DDN: variants seen among roughly 807,000 people sequenced by gnomAD.
DDN encodes the protein dendrin.
In DDN, 4 loss-of-function variants were observed where a neutral mutation model predicts 7.3. The observed-to-expected ratio is 0.55, with a 90% confidence interval of 0.27 to 1.25. The LOEUF is 1.25. Ranked by LOEUF, DDN falls within the 50% of genes most tolerant of loss-of-function variation. The pLI is 0.12. For synonymous variants in DDN, 425 were observed against 424.3 expected (o/e 1.00, Z -0.02); for missense variants, 933 against 974.7 (o/e 0.96, Z 0.57).
At position 48,996,915 on chromosome 12, in the gene DDN, C is replaced by T. The variant is rs745463401; in HGVS notation, c.1961G>A (p.Arg654Gln). 4 of 1,608,416 alleles carry T rather than the reference C, an allele frequency of 2.5e-6. No homozygotes were observed. Among genetic ancestry groups the T allele is most frequent in the Non-Finnish European group, 3.4e-6 (4 of 1,177,240 alleles). ...SDTEAPGASW[R>Q]NERTLPEVGN... The stretch of plus-strand genomic sequence containing the variant: ...AACCTCGGGCAGGGTCCTCTCATTC[C>T]GCCAGGAGGCGCCCGGGGCTTCTGT... Residue 654 changes from arginine to glutamine, a missense_variant, in exon 2 of 2, where the codon CGG becomes CAG. Arg to Gln is a conservative substitution (Grantham distance 43). Transcript: ENST00000421952.
rs1941210617 is a variant in DDN, at chr12:48,996,800, C to T, written c.2076G>A (p.Glu692=). The T allele has an allele frequency of 6.2e-7, 1 of 1,614,066 alleles. No homozygotes were observed. The change falls in exon 2 of 2, where the codon GAG becomes GAA. Residue 692 remains glutamate (E), a synonymous_variant. Coordinates refer to ENST00000421952, the MANE Select transcript of DDN (RefSeq NM_015086.2). ...EILDVISQTE[E]VLFGVRDIRG... ...TGATGTCCCTCACCCCGAAGAGGACCTCCTCGGTTTGGCTTATGACATCTA... is the reference window on the plus strand; with the variant it reads ...TGATGTCCCTCACCCCGAAGAGGACTTCCTCGGTTTGGCTTATGACATCTA...
In DDN at chr12:48,998,233, T is replaced by C; in HGVS notation, c.643A>G (p.Thr215Ala). 1 of 1,612,308 alleles carries C rather than the reference T, an allele frequency of 6.2e-7. No homozygotes were observed. The highest frequency in any genetic ancestry group is 8.5e-7 in the Non-Finnish European group (1 of 1,179,686). ...CGGTCCCAGCGGCGTCGTGGGGCGG[T>C]CCCGGCAGAACCTCTCAGCAGCAGG... is the stretch of plus-strand genomic sequence containing the variant. ...AHLLLRGSAG[T>A]APRRRWDRPP... Residue 215 changes from threonine to alanine, a missense_variant, in exon 2 of 2, where the codon ACC becomes GCC. Physicochemically the swap from Thr to Ala is moderately conservative, Grantham distance 58. Coordinates refer to ENST00000421952, the MANE Select transcript of DDN (RefSeq NM_015086.2).
intron 1 of DDN, among the ~76,000 whole-genome samples, 155 bp downstream of exon 1, chr12:48,998,924 A>G (rs368612734): frequency 1.3e-5 from 2 of 152,072 alleles, no homozygotes; most frequent in East Asian, 1.9e-4. Flanking sequence ...CCCCCAAACA[A>G]CGGGATGAGT....
At chr12:48,998,990 G>T in intron 1 of DDN, 89 bp downstream of exon 1, 1 of 1,394,620 alleles carries the variant, frequency 7.2e-7, no homozygotes, top group South Asian at 1.2e-5. Context: ...AGAGAAGGGG[G>T]ACCAGCAGTG....
rs1941212522 is a variant in DDN at position 48,996,893 on chromosome 12, C to T, written c.1983G>A (p.Glu661=). ...CTTCCTCTGGCGAACTGTTTCCAAC[C>T]TCGGGCAGGGTCCTCTCATTCCGCC... The part of the protein sequence containing the change: ...ASWRNERTLP[E]VGNSSPEEDG... Residue 661 remains glutamate, a synonymous_variant, in exon 2 of 2, where the codon GAG becomes GAA. Coordinates refer to ENST00000421952, the MANE Select transcript of DDN (RefSeq NM_015086.2). 5.0e-6 allele frequency: 8 copies of T among 1,613,686 alleles called. No individual in the cohort carries two copies. Among genetic ancestry groups the T allele is most frequent in the African/African-American group, 1.3e-5 (1 of 74,914 alleles).
In DDN at chr12:48,998,117, A is replaced by C. The variant is rs374692621; in HGVS notation, c.759T>G (p.Thr253=). The change falls in exon 2 of 2, where the codon ACT becomes ACG. Residue 253 remains threonine (T), a synonymous_variant. Transcript: ENST00000421952. The part of the protein sequence containing the change: ...KRGPGNSQVP[T]SSAPAATPAR... ...CTGGAGTCGCAGCTGGGGCTGATGA[A>C]GTGGGCACCTGAGAGTTCCCGGGGC... 2 of 1,613,674 alleles carry C rather than the reference A, an allele frequency of 1.2e-6. No homozygotes were observed. Among genetic ancestry groups the C allele is most frequent in the African/African-American group, 2.7e-5 (2 of 74,932 alleles).
chr12:48,996,696 C>A lies in DDN; in HGVS notation c.*44G>T. On this transcript the variant is annotated 3_prime_UTR_variant, in exon 2 of 2. Transcript: ENST00000421952. ...TGGGGAAGAATGGGGACCAGTGGACCCAAGGATGGATGCGTTGGGGACACA... is the reference window on the plus strand; with the variant it reads ...TGGGGAAGAATGGGGACCAGTGGACACAAGGATGGATGCGTTGGGGACACA... 3 of 1,593,224 alleles carry A rather than the reference C, an allele frequency of 1.9e-6. No individual in the cohort carries two copies. The highest frequency in any genetic ancestry group is 2.6e-6 in the Non-Finnish European group (3 of 1,166,696).
rs756941760 is a variant in DDN at position 48,999,246 on chromosome 12, G to A, written c.42C>T (p.Pro14=). ...GPLFSEGPDS[P]RELQDEESGS... The stretch of plus-strand genomic sequence containing the variant: ...CAGACTCCTCATCCTGGAGCTCCCG[G>A]GGGCTGTCAGGCCCCTCGGAGAACA... Residue 14 remains proline (P), a synonymous_variant, in exon 1 of 2, where the codon CCC becomes CCT. Coordinates refer to ENST00000421952, the MANE Select transcript of DDN (RefSeq NM_015086.2). 6.4e-7 allele frequency: 1 copy of A among 1,566,404 alleles called. No individual in the cohort carries two copies. Among genetic ancestry groups the A allele is most frequent in the Non-Finnish European group, 8.7e-7 (1 of 1,155,338 alleles).
Position 48,998,281 on chromosome 12 carries a change from C to G in DDN, c.595G>C (p.Gly199Arg), listed in dbSNP as rs1941244712. 2 of 1,602,640 alleles carry G rather than the reference C, an allele frequency of 1.2e-6. No homozygotes were observed. The highest frequency in any genetic ancestry group is 1.7e-6 in the Non-Finnish European group (2 of 1,175,882). ...AGGTGAGCCTCGTAGCTTGGGGGCC[C>G]GGGCCGCCGACCTCCCCAGGGCCCC... is the stretch of plus-strand genomic sequence containing the variant. ...WAGPWGGRRP[G>R]PPSYEAHLLL... Residue 199 changes from glycine to arginine, a missense_variant, in exon 2 of 2, where the codon GGG (glycine) becomes CGG (arginine). Physicochemically the swap from Gly to Arg is moderately radical, Grantham distance 125. Transcript: ENST00000421952.
chr12:48,998,229 G>A lies in DDN; in HGVS notation c.647C>T (p.Ala216Val), dbSNP rs980905228. Reference sequence around the variant, plus strand: ...CGGCCGGTCCCAGCGGCGTCGTGGGGCGGTCCCGGCAGAACCTCTCAGCAG... The same window carrying A: ...CGGCCGGTCCCAGCGGCGTCGTGGGACGGTCCCGGCAGAACCTCTCAGCAG... Reference protein sequence around the residue: ...HLLLRGSAGTAPRRRWDRPPP... With the variant: ...HLLLRGSAGTVPRRRWDRPPP... Residue 216 changes from alanine (A) to valine (V), a missense_variant, in exon 2 of 2, where the codon GCC (alanine) becomes GTC (valine). Ala to Val is a moderately conservative substitution (Grantham distance 64). Coordinates refer to ENST00000421952, the MANE Select transcript of DDN (RefSeq NM_015086.2). The A allele has an allele frequency of 1.2e-6, 2 of 1,612,358 alleles. No homozygotes were observed. Among genetic ancestry groups the A allele is most frequent in the African/African-American group, 2.7e-5 (2 of 74,928 alleles).
chr12:48,998,480 A>C lies in DDN; in HGVS notation c.396T>G (p.Ala132=), dbSNP rs1464542665. Residue 132 remains alanine (A), a synonymous_variant, in exon 2 of 2, where the codon GCT becomes GCG. Coordinates refer to ENST00000421952, the MANE Select transcript of DDN (RefSeq NM_015086.2). ...CCGGGGGGCTCCGTCGGGCCCCACC[A>C]GCCTTGCGCCTTTTTCGCTCGGTCT... ...AKETERKRRK[A]GGARRSPPGR... 6.3e-7 allele frequency: 1 copy of C among 1,577,836 alleles called. No homozygotes were observed. The highest frequency in any genetic ancestry group is 8.5e-7 in the Non-Finnish European group (1 of 1,170,292).
Position 48,998,035 on chromosome 12 carries a change from C to T in DDN, c.841G>A (p.Val281Ile). The change falls in exon 2 of 2, where the codon GTC becomes ATC. Residue 281 changes from valine (V) to isoleucine (I), a missense_variant. Val to Ile is a conservative substitution (Grantham distance 29). Coordinates refer to ENST00000421952, the MANE Select transcript of DDN (RefSeq NM_015086.2). ...KRLDPRIYRD[V>I]LGAWGLRQGQ... ...TGTCGGAGACCCCAAGCCCCGAGGACGTCCCGGTAGATCCGAGGATCCAGC... is the reference window on the plus strand; with the variant it reads ...TGTCGGAGACCCCAAGCCCCGAGGATGTCCCGGTAGATCCGAGGATCCAGC... The T allele has an allele frequency of 6.2e-7, 1 of 1,613,882 alleles. No homozygotes were observed. Among genetic ancestry groups the T allele is most frequent in the Non-Finnish European group, 8.5e-7 (1 of 1,180,046 alleles).
rs1370474378 is a variant in DDN, at chr12:48,998,290, G to A, written c.586C>T (p.Arg196Trp). 2 of 1,599,042 alleles carry A rather than the reference G, an allele frequency of 1.3e-6. No individual in the cohort carries two copies. The highest frequency in any genetic ancestry group is 1.3e-5 in the African/African-American group (1 of 74,698). Residue 196 changes from arginine (R) to tryptophan (W), a missense_variant, in exon 2 of 2, where the codon CGG (arginine) becomes TGG (tryptophan). Coordinates refer to ENST00000421952, the MANE Select transcript of DDN (RefSeq NM_015086.2). ...GSAWAGPWGG[R>W]RPGPPSYEAH... ...TCGTAGCTTGGGGGCCCGGGCCGCCGACCTCCCCAGGGCCCCGCCCACGCC... is the reference window on the plus strand; with the variant it reads ...TCGTAGCTTGGGGGCCCGGGCCGCCAACCTCCCCAGGGCCCCGCCCACGCC...
intron 1 of DDN, 70 bp from the exon 2 acceptor site, chr12:48,998,736 A>C (rs1358155191): frequency 4.8e-5 from 68 of 1,425,762 alleles, no homozygotes; most frequent in Non-Finnish European, 6.0e-5. Context: ...GGGAGCTGGG[A>C]GCACTGGAGA....
At position 48,997,499 on chromosome 12, in the gene DDN, G is replaced by A; in HGVS notation, c.1377C>T (p.Cys459=). 1 of 1,609,428 alleles carries A rather than the reference G, an allele frequency of 6.2e-7. No homozygotes were observed. Residue 459 remains cysteine, a synonymous_variant, in exon 2 of 2, where the codon TGC becomes TGT. Coordinates refer to ENST00000421952, the MANE Select transcript of DDN (RefSeq NM_015086.2). ...GAACATATTGGGATCGTATCACTAC[G>A]CACGTGGCGTCAATGACAAAGACGC... ...GEGVFVIDAT[C]VVIRSQYVPT... is the part of the protein sequence containing the mutation.
Position 48,999,230 on chromosome 12 carries a change from C to T in DDN, c.58G>A (p.Glu20Lys), listed in dbSNP as rs752257323. The T allele has an allele frequency of 6.9e-5, 109 of 1,586,062 alleles. No individual in the cohort carries two copies. In the East Asian group the frequency reaches 7.7e-4, roughly 11 times the overall value. ...ACCCAGAGGCAGCTGCCAGACTCCT[C>T]ATCCTGGAGCTCCCGGGGGCTGTCA... Reference protein sequence around the residue: ...GPDSPRELQDEESGSCLWVQK... With the variant: ...GPDSPRELQDKESGSCLWVQK... The change falls in exon 1 of 2, where the codon GAG (glutamate) becomes AAG (lysine). Residue 20 changes from glutamate to lysine, a missense_variant. Glu to Lys is a moderately conservative substitution (Grantham distance 56). Coordinates refer to ENST00000421952, the MANE Select transcript of DDN (RefSeq NM_015086.2).
At position 48,998,361 on chromosome 12, in the gene DDN, C is replaced by T; in HGVS notation, c.515G>A (p.Gly172Glu). ...CTGCGCGGATGGACGGGGCGCTCGC[C>T]CCACAGGCGCCAGGCGCTCCGGCCG... Reference protein sequence around the residue: ...PLRPERLAPVGRAPRPSAQPQ... With the variant: ...PLRPERLAPVERAPRPSAQPQ... Residue 172 changes from glycine (G) to glutamate (E), a missense_variant, in exon 2 of 2, where the codon GGG (glycine) becomes GAG (glutamate). By Grantham distance (98) the Gly-to-Glu change is moderately conservative. Transcript: ENST00000421952. The T allele has an allele frequency of 6.7e-7, 1 of 1,503,218 alleles. No homozygotes were observed. Among genetic ancestry groups the T allele is most frequent in the African/African-American group, 1.4e-5 (1 of 69,130 alleles). The allele number at this position is 1,503,218 out of a possible 1,614,324, so 93.1% of individuals were successfully genotyped here. A position where few individuals can be genotyped will look rare whatever the true frequency, so the allele number is the denominator to read the frequency against.
Position 48,998,682 on chromosome 12 carries a change from G to A in DDN, c.210-16C>T. On this transcript the variant is annotated splice_polypyrimidine_tract_variant and intron_variant, in intron 1 of 1. Coordinates refer to ENST00000421952, the MANE Select transcript of DDN (RefSeq NM_015086.2). ...CGGCCCACACCTGGGACAATGAGCA[G>A]GAACCCAGGTGAGCAGTTTGTGGGG... 1 of 1,479,812 alleles carries A rather than the reference G, an allele frequency of 6.8e-7. No individual in the cohort carries two copies. Among genetic ancestry groups the A allele is most frequent in the Admixed American group, 2.4e-5 (1 of 40,944 alleles). The allele number at this position is 1,479,812 out of a possible 1,614,324, so 91.7% of individuals were successfully genotyped here.
At position 48,995,919 on chromosome 12, in the gene DDN, C is replaced by A. The variant is rs578026336; in HGVS notation, c.*821G>T. On this transcript the variant is annotated 3_prime_UTR_variant, in exon 2 of 2. Coordinates refer to ENST00000421952, the MANE Select transcript of DDN (RefSeq NM_015086.2). Reference sequence around the variant, plus strand: ...CTGCCTTGGGGAGCCCTCAACCAAACCTGGGAGACTGGGATAGGAGTGCCT... The same window carrying A: ...CTGCCTTGGGGAGCCCTCAACCAAAACTGGGAGACTGGGATAGGAGTGCCT... 2.8e-3 allele frequency: 422 copies of A among 152,458 alleles called. No homozygotes were observed. Among genetic ancestry groups the A allele is most frequent in the Admixed American group, 4.3e-3 (65 of 15,286 alleles). The allele number at this position is 152,458 out of a possible 1,614,324, so 9.4% of individuals were successfully genotyped here. A position where few individuals can be genotyped will look rare whatever the true frequency, so the allele number is the denominator to read the frequency against.
Sources: allele counts gnomAD v4.1 joint callset (sites outside exome capture counted in the v4.1 genomes callset), GRCh38; gene constraint gnomAD v4.1.1; transcripts MANE v1.5; gene names NCBI Gene and HGNC (gene_info 2026-07-23, HGNC 2026-07-21).